The following TOGARAM2 variants were observed in gnomAD, a reference collection of about 807,000 sequenced individuals.
The protein encoded by TOGARAM2 is TOG array regulator of axonemal microtubules protein 2.
TOGARAM2 carries 85 observed loss-of-function variants against 93.3 expected under a neutral mutation model. That is an observed-to-expected ratio of 0.91 (90% CI 0.76 to 1.09). TOGARAM2 has a LOEUF of 1.09. Among genes scored for constraint, TOGARAM2 ranks in the 50% least tolerant of loss-of-function variants. The probability of loss-of-function intolerance (pLI) is 0.00; values close to 1 mark genes in which losing one functional copy is unlikely to be tolerated. For synonymous variants in TOGARAM2, 593 were observed against 552.8 expected (o/e 1.07, Z -1.02); for missense variants, 1,277 against 1,334.5 (o/e 0.96, Z 0.67).
chr2:29,051,608 T>C, intron 19 of TOGARAM2, 148 bp from the exon 20 acceptor site: 1 of 579,698 alleles, frequency 1.7e-6, no homozygotes, highest in Non-Finnish European at 3.0e-6. Flanking sequence ...TAACACATTT[T>C]CATAGGCTGC....
At chr2:28,992,779 G>C (rs1319933988) in intron 1 of TOGARAM2, among the ~76,000 whole-genome samples, 5 of 152,152 alleles carry the variant, frequency 3.3e-5, no homozygotes, top group African/African-American at 1.2e-4. Flanking sequence ...AGAAGTTAAG[G>C]CTGGGTGTGG....
In TOGARAM2 at chr2:29,024,309, G is replaced by T; in HGVS notation, c.1788G>T (p.Leu596=). The T allele has an allele frequency of 6.2e-7, 1 of 1,613,396 alleles. No individual in the cohort carries two copies. The change falls in exon 13 of 20, where the codon CTG becomes CTT. Residue 596 remains leucine (L), a synonymous_variant. Transcript: ENST00000379558. ...TCCAGAGAGCAGCCGGCCAGTCTCT[G>T]AGGGCTATGGTGGAGAATGTGACCC... ...EFIQRAAGQS[L]RAMVENVTLA...
chr2:28,973,057 C>T (rs993193202), intron 1 of TOGARAM2, among the ~76,000 whole-genome samples: 4 of 152,166 alleles, frequency 2.6e-5, no homozygotes, highest in East Asian at 1.9e-4. Flanking sequence ...TTTTTGTCTT[C>T]GCTGTTGCTC....
intron 4 of TOGARAM2, among the ~76,000 whole-genome samples, chr2:29,000,074 A>G (rs1673207313): frequency 6.6e-6 from 1 of 152,192 alleles, no homozygotes; most frequent in Non-Finnish European, 1.5e-5. Context: ...ATGCTCTCCA[A>G]TAATGCCCTA....
rs146478190 is a variant in TOGARAM2, at chr2:28,972,946, C to A, written c.-147+16249C>A. ...TTAAGAAGTCTGTCCTCCTACACTC[C>A]TGTTAATTAGTGTCCGAGCCACGTG... On this transcript the variant is annotated intron_variant, in intron 1 of 6. Transcript: ENST00000401723. Among the ~76,000 whole-genome samples, 302 of 152,316 alleles carry A rather than the reference C, an allele frequency of 2.0e-3. 2 individuals are homozygous for A. The highest frequency in any genetic ancestry group is 7.6e-4 in the Non-Finnish European group (52 of 68,028).
At chr2:29,043,928 C>G (rs1308693333) in intron 18 of TOGARAM2, among the ~76,000 whole-genome samples, 1 of 152,212 alleles carries the variant, frequency 6.6e-6, no homozygotes, top group South Asian at 2.1e-4. Flanking sequence ...TCAGTAGATA[C>G]GGAGTCCTGC....
intron 14 of TOGARAM2, among the ~76,000 whole-genome samples, chr2:29,029,297 ACT>A (rs35727696): frequency 8.6e-5 from 13 of 151,392 alleles, no homozygotes; most frequent in East Asian, 7.8e-4. Flanking sequence ...ACACACACAC[ACT>A]GGAATACTTA....
At chr2:29,006,466 A>C (rs1054333281) in intron 6 of TOGARAM2, among the ~76,000 whole-genome samples, 2 of 145,488 alleles carry the variant, frequency 1.4e-5, no homozygotes, top group Non-Finnish European at 3.0e-5. Context: ...GTGTGAGTGC[A>C]TGTGTATGTG....
intron 1 of TOGARAM2, among the ~76,000 whole-genome samples, chr2:28,968,139 G>A (rs1243041545): frequency 2.0e-5 from 3 of 152,100 alleles, no homozygotes; most frequent in African/African-American, 4.8e-5. Flanking sequence ...TCTTTAATGT[G>A]TCTGGGGACA....
chr2:29,024,775 C>G (rs1344368045), intron 13 of TOGARAM2, among the ~76,000 whole-genome samples: 3 of 152,178 alleles, frequency 2.0e-5, no homozygotes, highest in African/African-American at 7.2e-5. Flanking sequence ...GGAGACAGGG[C>G]TGCAGAGGCA....
At chr2:29,035,711 T>C in intron 17 of TOGARAM2, 55 bp downstream of exon 17, 1 of 1,298,914 alleles carries the variant, frequency 7.7e-7, no homozygotes, top group Non-Finnish European at 9.9e-7. Context: ...GGGGTGCAAC[T>C]TGAAGTTTGA....
Position 28,993,900 on chromosome 2 carries a change from C to T in TOGARAM2, c.-110-825C>T, listed in dbSNP as rs139769467. On this transcript the variant is annotated intron_variant, in intron 1 of 19. Coordinates refer to ENST00000379558, the MANE Select transcript of TOGARAM2 (RefSeq NM_199280.4). ...CACAGGTTCCTGCCCTGTCCCCAGA[C>T]GCTTTGTGGACGAGAACTCCTCTCT... Among the ~76,000 whole-genome samples the T allele has an allele frequency of 6.9e-4, 105 of 152,316 alleles. No individual in the cohort carries two copies. The South Asian group carries it at 0.012, about 18-fold the overall frequency.
chr2:28,959,715 C>T (rs1316688385), intron 1 of TOGARAM2, among the ~76,000 whole-genome samples: 1 of 152,062 alleles, frequency 6.6e-6, no homozygotes, highest in Non-Finnish European at 1.5e-5. Context: ...TGCACTCCAG[C>T]CTGGGCGACA....
At chr2:28,985,040 A>G (rs889640190) in intron 1 of TOGARAM2, among the ~76,000 whole-genome samples, 24 of 152,188 alleles carry the variant, frequency 1.6e-4, no homozygotes, top group African/African-American at 5.8e-4. Flanking sequence ...GACTGAATGC[A>G]TGCGTCCCAC....
At chr2:28,989,663 C>T (rs1672626613) in intron 1 of TOGARAM2, among the ~76,000 whole-genome samples, 1 of 152,112 alleles carries the variant, frequency 6.6e-6, no homozygotes, top group South Asian at 2.1e-4. Context: ...CCTTGGCCTC[C>T]CAAAGTGCCA....
chr2:29,042,332 G>A (rs999452928), intron 18 of TOGARAM2, among the ~76,000 whole-genome samples: 3 of 152,234 alleles, frequency 2.0e-5, no homozygotes, highest in South Asian at 2.1e-4. Context: ...GCTGTGCACC[G>A]TGGGAGCATG....
rs76285160 is a variant in TOGARAM2 at position 29,003,551 on chromosome 2, C to T, written c.699C>T (p.Gly233=). 25,295 of 1,593,152 alleles carry T rather than the reference C, an allele frequency of 0.016. 1,280 individuals carry two copies. In the East Asian group the frequency reaches 0.18, roughly 12 times the overall value. Residue 233 remains glycine, a synonymous_variant, in exon 6 of 20, where the codon GGC becomes GGT. Transcript: ENST00000379558. ...ATGAGAAGATGCAGAAGTCCCTGGG[C>T]GCCATCGTGATCCCACCCATCCCAA... The part of the protein sequence containing the change: ...CNDEKMQKSL[G]AIVIPPIPKA...
In TOGARAM2 at chr2:29,006,117, A is replaced by G. The variant is rs1170055663; in HGVS notation, c.830+2435A>G. 2.3e-4 allele frequency among the ~76,000 whole-genome samples: 9 copies of G among 39,074 alleles called. No individual in the cohort carries two copies. The South Asian group carries it at 3.0e-3, about 13-fold the overall frequency. 25.6% of individuals were successfully genotyped at this position (39,074 alleles called of 152,430 possible). On this transcript the variant is annotated intron_variant, in intron 6 of 19. Coordinates refer to ENST00000379558, the MANE Select transcript of TOGARAM2 (RefSeq NM_199280.4). ...TGGGGTGCATGTGTGTGGAGTGCAT[A>G]TGTGTGTGCATGTGTGTGAGAGCAT...
chr2:29,006,429 T>TGA (rs10680523), intron 6 of TOGARAM2, among the ~76,000 whole-genome samples: 109,775 of 149,268 alleles, frequency 0.74, 41,760 homozygotes, highest in Non-Finnish European at 0.85. Flanking sequence ...TATCTGTGTG[T>TGA]GTGCATGTGT....
Sources: gnomAD v4.1 joint callset for allele counts (sites outside exome capture counted in the v4.1 genomes callset) on GRCh38, gnomAD v4.1.1 for gene constraint, MANE v1.5 for transcripts, NCBI Gene and HGNC (gene_info 2026-07-23, HGNC 2026-07-21) for gene names.